DLGAP2: variants seen among roughly 807,000 people sequenced by gnomAD.
The protein encoded by DLGAP2 is disks large-associated protein 2.
Under a neutral mutation model 100.3 loss-of-function variants are expected in DLGAP2, and 26 were observed. The observed-to-expected ratio is 0.26, with a 90% CI of 0.19 to 0.36. The LOEUF is 0.36. Among genes scored for constraint, DLGAP2 ranks in the 10% least tolerant of loss-of-function variants. The probability of loss-of-function intolerance (pLI) is 1.00; values close to 1 mark genes in which losing one functional copy is unlikely to be tolerated. For missense variants in DLGAP2, 1,858 were observed against 1,453.2 expected (o/e 1.28, Z -4.53); for synonymous variants, 886 against 630.1 (o/e 1.41, Z -6.08).
chr8:1,494,750 A>C (rs1000550607), intron 3 of DLGAP2, among the ~76,000 whole-genome samples: 2 of 151,986 alleles, frequency 1.3e-5, no homozygotes, highest in Admixed American at 1.3e-4. Flanking sequence ...AAGAAAAGAA[A>C]AGAAACGAGG....
intron 12 of DLGAP2, among the ~76,000 whole-genome samples, chr8:1,685,409 C>T (rs1799088232): frequency 6.6e-6 from 1 of 152,184 alleles, no homozygotes; most frequent in Non-Finnish European, 1.5e-5. Flanking sequence ...CCTTAGGGGT[C>T]AATGTATCAC....
chr8:1,047,170 A>C (rs1464116307), intron 2 of DLGAP2, among the ~76,000 whole-genome samples: 4 of 152,170 alleles, frequency 2.6e-5, no homozygotes, highest in African/African-American at 9.7e-5. Context: ...ACCCTGGAAA[A>C]CACCAGCAGA....
In DLGAP2 at chr8:1,549,326, C is replaced by A. The variant is rs375164454; in HGVS notation, c.873C>A (p.Pro291=). ...GCAAGCCGGAGGGCAAGCCCCGGCC[C>A]GGCATGAGCAGCTGGTGGAGCTCGG... ...KERKPEGKPR[P]GMSSWWSSDD... is the part of the protein sequence containing the mutation. The change falls in exon 5 of 15, where the codon CCC becomes CCA. Residue 291 remains proline, a synonymous_variant. Transcript: ENST00000637795. 6.2e-7 allele frequency: 1 copy of A among 1,612,970 alleles called. No individual in the cohort carries two copies. Among genetic ancestry groups the A allele is most frequent in the African/African-American group, 1.3e-5 (1 of 74,930 alleles).
At chr8:995,438 A>T (rs1800757851) in intron 2 of DLGAP2, among the ~76,000 whole-genome samples, 2 of 152,266 alleles carry the variant, frequency 1.3e-5, no homozygotes, top group Admixed American at 1.3e-4. Flanking sequence ...TTTATATTCC[A>T]CACAATCAAA....
At chr8:1,146,614 C>T (rs1476696136) in intron 2 of DLGAP2, among the ~76,000 whole-genome samples, 11 of 151,916 alleles carry the variant, frequency 7.2e-5, no homozygotes, top group Admixed American at 5.9e-4. Context: ...TGTGTGCATG[C>T]ACGTGTGTGC....
chr8:1,359,720 G>C (rs926546650), intron 3 of DLGAP2, among the ~76,000 whole-genome samples: 3 of 152,252 alleles, frequency 2.0e-5, no homozygotes, highest in Non-Finnish European at 4.4e-5. Flanking sequence ...TAAAACCCGC[G>C]CGTTCCCTGC....
At chr8:1,695,268 GCCCGGC>G (rs1799357610) in intron 13 of DLGAP2, among the ~76,000 whole-genome samples, 1 of 148,326 alleles carries the variant, frequency 6.7e-6, no homozygotes. Context: ...GCACAGCCAT[GCCCGGC>G]CCTACAGAAA....
chr8:1,250,060 T>C (rs1799003555), intron 2 of DLGAP2, among the ~76,000 whole-genome samples: 1 of 152,134 alleles, frequency 6.6e-6, no homozygotes, highest in South Asian at 2.1e-4. Context: ...TTTGTATTTT[T>C]AGTAGAGATG....
intron 13 of DLGAP2, 96 bp from the exon 14 acceptor site, chr8:1,697,051 C>T (rs538053583): frequency 1.5e-5 from 19 of 1,288,442 alleles, no homozygotes; most frequent in Middle Eastern, 2.8e-4. Flanking sequence ...CTCCCTAATC[C>T]GCCTCTTGAA....
At chr8:1,254,571 G>C (rs191245808) in intron 2 of DLGAP2, among the ~76,000 whole-genome samples, 7 of 152,246 alleles carry the variant, frequency 4.6e-5, no homozygotes, top group Non-Finnish European at 8.8e-5. Flanking sequence ...GGAAAATCAC[G>C]ATCTATGGCC....
chr8:1,293,951 TA>T (rs1800114843), intron 3 of DLGAP2, among the ~76,000 whole-genome samples: 1 of 152,244 alleles, frequency 6.6e-6, no homozygotes, highest in Admixed American at 6.5e-5. Context: ...AGGCTGCGGA[TA>T]CCTTGCACCG....
chr8:1,183,294 C>T (rs532922726), intron 2 of DLGAP2, among the ~76,000 whole-genome samples: 1 of 152,144 alleles, frequency 6.6e-6, no homozygotes, highest in East Asian at 1.9e-4. Context: ...TCAGTTCACA[C>T]AATAAATAAA....
chr8:1,360,610 A>G (rs1435820665), intron 3 of DLGAP2, among the ~76,000 whole-genome samples: 2 of 152,050 alleles, frequency 1.3e-5, no homozygotes, highest in African/African-American at 2.4e-5. Flanking sequence ...TCCACAGGAA[A>G]TCCACCTCAG....
In DLGAP2 at chr8:1,501,314, G is replaced by A. The variant is rs1021669333; in HGVS notation, c.107-52G>A. On this transcript the variant is annotated intron_variant, in intron 3 of 14. Coordinates refer to ENST00000637795, the MANE Select transcript of DLGAP2 (RefSeq NM_001346810.2). ...TTTTGAAGATGTGCAGGGAATGACT[G>A]CAGTCTACACCAGAAACGCATTAAA... The A allele has an allele frequency of 4.6e-6, 7 of 1,519,404 alleles. No homozygotes were observed. The South Asian group carries it at 6.0e-5, about 13-fold the overall frequency. The allele number at this position is 1,519,404 out of a possible 1,614,324, so 94.1% of individuals were successfully genotyped here. A position where few individuals can be genotyped will look rare whatever the true frequency, so the allele number is the denominator to read the frequency against.
chr8:1,472,182 G>A (rs1798821503), intron 3 of DLGAP2, among the ~76,000 whole-genome samples: 1 of 152,220 alleles, frequency 6.6e-6, no homozygotes, highest in Admixed American at 6.5e-5. Context: ...GGGAGGTGAT[G>A]CTGGAGGAAA....
At chr8:781,977 T>G (rs998733821) in intron 1 of DLGAP2, among the ~76,000 whole-genome samples, 3 of 152,052 alleles carry the variant, frequency 2.0e-5, no homozygotes, top group Non-Finnish European at 4.4e-5. Context: ...AATGTACAGT[T>G]AAAAGGAAAG....
At chr8:1,571,208 G>A (rs1802658826) in intron 6 of DLGAP2, among the ~76,000 whole-genome samples, 1 of 135,148 alleles carries the variant, frequency 7.4e-6, no homozygotes, top group South Asian at 2.6e-4. Flanking sequence ...ATGGAGAGGG[G>A]AGAGGGTGAA....
At chr8:1,478,525 C>G (rs1005113472) in intron 3 of DLGAP2, among the ~76,000 whole-genome samples, 5 of 152,254 alleles carry the variant, frequency 3.3e-5, no homozygotes, top group African/African-American at 1.2e-4. Flanking sequence ...CTCTATTCCT[C>G]TCTCCATCGA....
At chr8:1,470,729 G>A (rs929742253) in intron 3 of DLGAP2, among the ~76,000 whole-genome samples, 1 of 103,214 alleles carries the variant, frequency 9.7e-6, no homozygotes, top group Non-Finnish European at 1.9e-5. Context: ...ACCGACCACG[G>A]CCTCCCCTTC....
Sources: allele counts gnomAD v4.1 joint callset (sites outside exome capture counted in the v4.1 genomes callset), GRCh38; gene constraint gnomAD v4.1.1; transcripts MANE v1.5; gene names NCBI Gene and HGNC (gene_info 2026-07-23, HGNC 2026-07-21).